The following LHCGR variants were observed in gnomAD, a reference collection of about 807,000 sequenced individuals.
LHCGR encodes luteinizing hormone/choriogonadotropin receptor, also known as lutropin-choriogonadotropic hormone receptor.
Under a neutral mutation model 60.7 loss-of-function variants are expected in LHCGR, and 55 were observed. That is an observed-to-expected ratio of 0.91 (90% CI 0.73 to 1.13). LHCGR has a LOEUF of 1.13. LHCGR is among the 50% of genes most tolerant of loss of function. The probability of loss-of-function intolerance (pLI) is 0.00; values close to 1 mark genes in which losing one functional copy is unlikely to be tolerated. For synonymous variants in LHCGR, 337 were observed against 316.5 expected, an observed-to-expected ratio of 1.06 and a Z score of -0.69; for missense variants, 862 against 836.0, an observed-to-expected ratio of 1.03 and a Z score of -0.38.
chr2:48,732,475 A>G (rs1405805555), intron 1 of LHCGR, among the ~76,000 whole-genome samples: 2 of 152,238 alleles, frequency 1.3e-5, no homozygotes, highest in Admixed American at 1.3e-4. Flanking sequence ...TGTGAGTTAT[A>G]CACACCCATT....
intron 1 of LHCGR, among the ~76,000 whole-genome samples, chr2:48,738,134 G>T (rs916036272): frequency 1.3e-5 from 2 of 152,194 alleles, no homozygotes; most frequent in African/African-American, 2.4e-5. Context: ...GTTTCAAAAT[G>T]CAGCTCAAAT....
At chr2:48,712,738 C>T (rs983378375) in intron 7 of LHCGR, among the ~76,000 whole-genome samples, 1 of 151,416 alleles carries the variant, frequency 6.6e-6, no homozygotes, top group Non-Finnish European at 1.5e-5. Context: ...CCAGGCACAG[C>T]GTTAAGTACT....
At chr2:48,743,372 T>C (rs1205146285) in intron 1 of LHCGR, among the ~76,000 whole-genome samples, 3 of 152,084 alleles carry the variant, frequency 2.0e-5, no homozygotes, top group Admixed American at 6.6e-5. Flanking sequence ...ATACCAAAGC[T>C]GGGCAGAGAC....
intron 10 of LHCGR, among the ~76,000 whole-genome samples, chr2:48,692,630 A>T (rs941953317): frequency 3.3e-5 from 5 of 152,156 alleles, no homozygotes; most frequent in African/African-American, 9.7e-5. Flanking sequence ...GAGGAAGGAG[A>T]GCTGTAGCAC....
intron 1 of LHCGR, among the ~76,000 whole-genome samples, chr2:48,735,218 G>C (rs934411927): frequency 6.6e-6 from 1 of 152,180 alleles, no homozygotes; most frequent in Non-Finnish European, 1.5e-5. Context: ...TGTTAAAGTT[G>C]AAATCGAAAC....
intron 7 of LHCGR, among the ~76,000 whole-genome samples, chr2:48,711,419 G>A (rs539551607): frequency 1.3e-5 from 2 of 152,282 alleles, no homozygotes; most frequent in East Asian, 3.9e-4. Flanking sequence ...TATCAGTGGT[G>A]CTTAATAAAT....
intron 3 of LHCGR, among the ~76,000 whole-genome samples, chr2:48,727,653 G>A (rs987582195): frequency 3.3e-5 from 5 of 152,224 alleles, no homozygotes; most frequent in Admixed American, 6.5e-5. Flanking sequence ...ATTGTAATGA[G>A]CCCAATGTGT....
chr2:48,730,668 G>A (rs1668948162), intron 2 of LHCGR, among the ~76,000 whole-genome samples: 1 of 152,146 alleles, frequency 6.6e-6, no homozygotes. Flanking sequence ...TGGGAACTTT[G>A]GTCCTAGAAG....
chr2:48,688,796 C>T lies in LHCGR; in HGVS notation c.1001G>A (p.Gly334Asp), dbSNP rs145734415. 1.1e-5 allele frequency: 17 copies of T among 1,614,054 alleles called. No homozygotes were observed. In the African/African-American group the frequency reaches 1.7e-4, roughly 16 times the overall value. ...SELSGWDYEY[G>D]FCLPKTPRCA... is the part of the protein sequence containing the mutation. ...TCGGGGTGTCTTGGGTAAGCAGAAA[C>T]CATATTCATAGTCCCAGCCACTCAG... The change falls in exon 11 of 11, where the codon GGT becomes GAT. Residue 334 changes from glycine to aspartate, a missense_variant. Gly to Asp is a moderately conservative substitution (Grantham distance 94, BLOSUM62 -1). Transcript: ENST00000294954. This position sits in a 1 kb window ranked among gnomAD's most constrained non-coding sequence, Gnocchi z 5.2.
At chr2:48,752,580 T>A (rs1288786625) in intron 1 of LHCGR, among the ~76,000 whole-genome samples, 1 of 151,890 alleles carries the variant, frequency 6.6e-6, no homozygotes, top group Non-Finnish European at 1.5e-5. Context: ...CAGTTTTCTG[T>A]CTCATAATTA....
chr2:48,702,852 C>T (rs750481663), intron 8 of LHCGR, among the ~76,000 whole-genome samples: 1 of 152,208 alleles, frequency 6.6e-6, no homozygotes, highest in African/African-American at 2.4e-5. Context: ...ACCACACTGT[C>T]CTCCACAATG....
chr2:48,737,724 C>T (rs1055541990), intron 1 of LHCGR, among the ~76,000 whole-genome samples: 20 of 152,148 alleles, frequency 1.3e-4, no homozygotes, highest in Non-Finnish European at 1.9e-4. Flanking sequence ...CAATATGTTA[C>T]GCTTTACACC....
chr2:48,706,151 GA>G (rs986852780), intron 8 of LHCGR, among the ~76,000 whole-genome samples: 1 of 152,192 alleles, frequency 6.6e-6, no homozygotes, highest in Non-Finnish European at 1.5e-5. Context: ...CTTCACTTAA[GA>G]AGCTTAATTT....
chr2:48,702,458 C>T (rs544233435), intron 8 of LHCGR, among the ~76,000 whole-genome samples: 2 of 152,070 alleles, frequency 1.3e-5, no homozygotes, highest in East Asian at 1.9e-4. Flanking sequence ...GTTCCCCCTC[C>T]GTGTCGATGT....
chr2:48,749,968 G>A lies in LHCGR; in HGVS notation c.161+5543C>T, dbSNP rs140523995. Among the ~76,000 whole-genome samples the A allele has an allele frequency of 2.0e-4, 30 of 152,282 alleles. No individual in the cohort carries two copies. In the East Asian group the frequency reaches 5.8e-3, roughly 29 times the overall value. On this transcript the variant is annotated intron_variant, in intron 1 of 10. Transcript: ENST00000294954. ...CTTCTCCCGAGGAGTCTGTGTATCA[G>A]CAAGGTCAGGTTTAAGAGTTGCCTT...
chr2:48,736,122 C>G (rs1227139942), intron 1 of LHCGR, among the ~76,000 whole-genome samples: 3 of 152,140 alleles, frequency 2.0e-5, no homozygotes, highest in Admixed American at 6.5e-5. Flanking sequence ...GAACTGTGAG[C>G]CAACTAAACC....
At chr2:48,716,063 C>T (rs568414432) in intron 6 of LHCGR, among the ~76,000 whole-genome samples, 1 of 152,236 alleles carries the variant, frequency 6.6e-6, no homozygotes, top group Admixed American at 6.5e-5. Context: ...CTAGCTCTCC[C>T]ATATTGGATT....
At chr2:48,690,014 A>G (rs1273999204) in intron 10 of LHCGR, among the ~76,000 whole-genome samples, 1 of 152,078 alleles carries the variant, frequency 6.6e-6, no homozygotes, top group Admixed American at 6.6e-5. Flanking sequence ...CGCCCGGCCC[A>G]GGTTTTTGTC....
At position 48,745,752 on chromosome 2, in the gene LHCGR, C is replaced by T. The variant is rs896429344; in HGVS notation, c.161+9759G>A. Among the ~76,000 whole-genome samples the T allele has an allele frequency of 7.3e-5, 11 of 150,360 alleles. No individual in the cohort carries two copies. The East Asian group carries it at 1.2e-3, about 16-fold the overall frequency. The stretch of plus-strand genomic sequence containing the variant: ...GGGAGATATACCTAATGCTAGATGA[C>T]GAGTTAGTGGGTGCAGCGCACCAGC... On this transcript the variant is annotated intron_variant, in intron 1 of 10. Transcript: ENST00000294954.
Sources: gnomAD v4.1 joint callset for allele counts (sites outside exome capture counted in the v4.1 genomes callset) on GRCh38, gnomAD v4.1.1 for gene constraint, Gnocchi (gnomAD v3.1) non-coding constraint, MANE v1.5 for transcripts, NCBI Gene and HGNC (gene_info 2026-07-23, HGNC 2026-07-21) for gene names.